LPAR2: variants seen among roughly 807,000 people sequenced by gnomAD.
The protein encoded by LPAR2 is G protein-coupled receptor.
A neutral mutation model predicts 15.6 loss-of-function variants in LPAR2; 10 were observed. The ratio of observed to expected loss-of-function variants is 0.64; its 90% confidence interval spans 0.39 to 1.09. LPAR2 has a LOEUF of 1.09. LPAR2 is among the 50% of genes least tolerant of loss of function. LPAR2 has a pLI of 0.01. For missense variants in LPAR2, 413 were observed against 484.6 expected (o/e 0.85, Z 1.39); for synonymous variants, 204 against 207.4 (o/e 0.98, Z 0.14).
Position 19,626,596 on chromosome 19 carries a change from G to A in LPAR2, c.689C>T (p.Pro230Leu). ...GCTGAGCGTGGTCTCTCGGTAGCGG[G>A]GGTGGCAGCTGACATGCTCTGCCAT... Residue 230 changes from proline (P) to leucine (L), a missense_variant, in exon 2 of 3, where the codon CCC (proline) becomes CTC (leucine). Pro to Leu is a moderately conservative substitution (Grantham distance 98). Transcript: ENST00000407877. This position sits in a 1 kb window ranked among gnomAD's most constrained non-coding sequence, Gnocchi z 5.3. 2 of 1,613,152 alleles carry A rather than the reference G, an allele frequency of 1.2e-6. No homozygotes were observed. Among genetic ancestry groups the A allele is most frequent in the African/African-American group, 1.3e-5 (1 of 75,060 alleles).
In LPAR2 at chr19:19,626,479, C is replaced by T. The variant is rs999161131; in HGVS notation, c.742+64G>A. 11 of 1,522,960 alleles carry T rather than the reference C, an allele frequency of 7.2e-6. No individual in the cohort carries two copies. The highest frequency in any genetic ancestry group is 1.3e-5 in the South Asian group (1 of 76,838). 94.3% of individuals were successfully genotyped at this position (1,522,960 alleles called of 1,614,324 possible). ...AGGTAGCTTGTTTTGTTCATTGCTT[C>T]GCAGTGTCTTGTGGGAGATAGGGGG... On this transcript the variant is annotated intron_variant, in intron 2 of 2. Transcript: ENST00000407877. The surrounding 1 kb of genome is among the most constrained non-coding windows in gnomAD (Gnocchi z 5.3).
In LPAR2 at chr19:19,627,013, T is replaced by C. The variant is rs1599394220; in HGVS notation, c.272A>G (p.His91Arg). 1.9e-6 allele frequency: 3 copies of C among 1,613,494 alleles called. No homozygotes were observed. Among genetic ancestry groups the C allele is most frequent in the Non-Finnish European group, 8.5e-7 (1 of 1,179,972 alleles). ...AAGTCGGGCTGTGCGGGGACCAGTG[T>C]GGAACATGAGGAAGAGGTAGGCCAC... Residue 91 changes from histidine to arginine, a missense_variant, in exon 2 of 3, where the codon CAC becomes CGC. Coordinates refer to ENST00000407877, the MANE Select transcript of LPAR2 (RefSeq NM_004720.7). This position sits in a 1 kb window ranked among gnomAD's most constrained non-coding sequence, Gnocchi z 4.7.
chr19:19,624,209 G>A lies in LPAR2; in HGVS notation c.*47C>T. The stretch of plus-strand genomic sequence containing the variant: ...GCCAGGAGCACCCACAAGTCATCAG[G>A]GGCTGTGGATTTGTTGCTTGCCGCG... On this transcript the variant is annotated 3_prime_UTR_variant, in exon 3 of 3. Transcript: ENST00000407877. 6.5e-7 allele frequency: 1 copy of A among 1,549,306 alleles called. No individual in the cohort carries two copies. Among genetic ancestry groups the A allele is most frequent in the Non-Finnish European group, 8.8e-7 (1 of 1,140,394 alleles).
In LPAR2 at chr19:19,627,204, G is replaced by C. The variant is rs749899826; in HGVS notation, c.81C>G (p.His27Gln). 7 of 1,612,502 alleles carry C rather than the reference G, an allele frequency of 4.3e-6. No individual in the cohort carries two copies. The highest frequency in any genetic ancestry group is 5.1e-6 in the Non-Finnish European group (6 of 1,180,040). The change falls in exon 2 of 3, where the codon CAC becomes CAG. Residue 27 changes from histidine to glutamine, a missense_variant. Physicochemically the swap from His to Gln is conservative, Grantham distance 24. Coordinates refer to ENST00000407877, the MANE Select transcript of LPAR2 (RefSeq NM_004720.7). The surrounding 1 kb of genome is among the most constrained non-coding windows in gnomAD (Gnocchi z 4.7). ...CCACGACCACATCCTTGGGCCGCCA[G>C]TGGGAGCTGAGCTCTTTGCCACTGT... is the stretch of plus-strand genomic sequence containing the variant.
chr19:19,625,874 C>CTT lies in LPAR2; in HGVS notation c.742+667_742+668dup, dbSNP rs545532352. ...ACAGGCTTAGCACTGCTAAAAACTC[C>CTT]TTTTTTTTTTTTTTTTCTGAGACAG... is the stretch of plus-strand genomic sequence containing the variant. On this transcript the variant is annotated intron_variant, in intron 2 of 2. Transcript: ENST00000407877. Among the ~76,000 whole-genome samples the CTT allele has an allele frequency of 1.8e-3, 231 of 129,840 alleles. 4 individuals carry two copies. The highest frequency in any genetic ancestry group is 4.1e-3 in the Middle Eastern group (1 of 244). The allele number at this position is 129,840 out of a possible 152,430, so 85.2% of individuals were successfully genotyped here. A position where few individuals can be genotyped will look rare whatever the true frequency, so the allele number is the denominator to read the frequency against.
In LPAR2 at chr19:19,627,913, G is replaced by A. The variant is rs578099374; in HGVS notation, c.-1+179C>T. ...GGACGGAGGACACTGGCGGTCTCCGGGACAAAGACAGCGGTTGGGGAAGGG... is the reference window on the plus strand; with the variant it reads ...GGACGGAGGACACTGGCGGTCTCCGAGACAAAGACAGCGGTTGGGGAAGGG... On this transcript the variant is annotated intron_variant, in intron 1 of 2. Transcript: ENST00000407877. The surrounding 1 kb of genome is among the most constrained non-coding windows in gnomAD (Gnocchi z 4.7). 21 of 153,904 alleles carry A rather than the reference G, an allele frequency of 1.4e-4. 1 individual carries two copies. Among genetic ancestry groups the A allele is most frequent in the Non-Finnish European group, 1.6e-4 (11 of 69,110 alleles). 9.5% of individuals were successfully genotyped at this position (153,904 alleles called of 1,614,324 possible).
rs780596999 is a variant in LPAR2, at chr19:19,627,210, G to A, written c.75C>T (p.Ser25=). 7 of 1,612,150 alleles carry A rather than the reference G, an allele frequency of 4.3e-6. No individual in the cohort carries two copies. In the East Asian group the frequency reaches 1.3e-4, roughly 31 times the overall value. ...CCACATCCTTGGGCCGCCAGTGGGA[G>A]CTGAGCTCTTTGCCACTGTTGTTAT... Residue 25 remains serine, a synonymous_variant, in exon 2 of 3, where the codon AGC becomes AGT. Coordinates refer to ENST00000407877, the MANE Select transcript of LPAR2 (RefSeq NM_004720.7). The surrounding 1 kb of genome is among the most constrained non-coding windows in gnomAD (Gnocchi z 4.7).
At position 19,627,568 on chromosome 19, in the gene LPAR2, A is replaced by G; in HGVS notation, c.1-284T>C. ...ACCAGAAGTGAAACAAAACCCATCT[A>G]TGGTCGAATCCCAGCCCACCTGCCG... On this transcript the variant is annotated intron_variant, in intron 1 of 2. Coordinates refer to ENST00000407877, the MANE Select transcript of LPAR2 (RefSeq NM_004720.7). The surrounding 1 kb of genome is among the most constrained non-coding windows in gnomAD (Gnocchi z 4.7). 1 of 403,930 alleles carries G rather than the reference A, an allele frequency of 2.5e-6. No homozygotes were observed. Among genetic ancestry groups the G allele is most frequent in the Non-Finnish European group, 4.6e-6 (1 of 219,244 alleles). The allele number at this position is 403,930 out of a possible 1,614,324, so 25.0% of individuals were successfully genotyped here.
Position 19,624,567 on chromosome 19 carries a change from C to A in LPAR2, c.745G>T (p.Ala249Ser), listed in dbSNP as rs1055980807. ...CCTGGTGTCCAGCAGACCACGAACG[C>A]CCCTGTGGGACAGAGGCGGAAGTGA... The change falls in exon 3 of 3, where the codon GCG (alanine) becomes TCG (serine). Residue 249 changes from alanine (A) to serine (S), a missense_variant and splice_region_variant. Transcript: ENST00000407877. 3 of 1,592,718 alleles carry A rather than the reference C, an allele frequency of 1.9e-6. No homozygotes were observed. Among genetic ancestry groups the A allele is most frequent in the Non-Finnish European group, 2.6e-6 (3 of 1,167,036 alleles).
chr19:19,623,815 A>T lies in LPAR2; in HGVS notation c.*441T>A, dbSNP rs558849197. On this transcript the variant is annotated 3_prime_UTR_variant, in exon 3 of 3. Coordinates refer to ENST00000407877, the MANE Select transcript of LPAR2 (RefSeq NM_004720.7). The stretch of plus-strand genomic sequence containing the variant: ...TGCACCCCTCAGTCTCTGCTGCTAA[A>T]GAATCAGACTCAGGTAGATGGGGTG... 6.2e-4 allele frequency: 105 copies of T among 168,664 alleles called. 3 individuals carry two copies. In the South Asian group the frequency reaches 0.017, roughly 28 times the overall value. 10.4% of individuals were successfully genotyped at this position (168,664 alleles called of 1,614,324 possible). A position where few individuals can be genotyped will look rare whatever the true frequency, so the allele number is the denominator to read the frequency against.
rs769542127 is a variant in LPAR2 at position 19,626,643 on chromosome 19, G to A, written c.642C>T (p.Tyr214=). Reference sequence around the variant, plus strand: ...CCATGCGCTGCACTCGCCGCCGCACGTAGAAGAAAATGCGGGTGTACACAG... The same window carrying A: ...CCATGCGCTGCACTCGCCGCCGCACATAGAAGAAAATGCGGGTGTACACAG... The change falls in exon 2 of 3, where the codon TAC becomes TAT. Residue 214 remains tyrosine (Y), a synonymous_variant. Transcript: ENST00000407877. The surrounding 1 kb of genome is among the most constrained non-coding windows in gnomAD (Gnocchi z 5.3). The A allele has an allele frequency of 2.0e-5, 33 of 1,613,318 alleles. No homozygotes were observed. Among genetic ancestry groups the A allele is most frequent in the African/African-American group, 8.0e-5 (6 of 74,946 alleles).
Position 19,626,577 on chromosome 19 carries a change from C to T in LPAR2, c.708G>A (p.Thr236=), listed in dbSNP as rs746876623. ...TGACAACAGTCTTGACCAGGCTGAGCGTGGTCTCTCGGTAGCGGGGGTGGC... is the reference window on the plus strand; with the variant it reads ...TGACAACAGTCTTGACCAGGCTGAGTGTGGTCTCTCGGTAGCGGGGGTGGC... Residue 236 remains threonine (T), a synonymous_variant, in exon 2 of 3, where the codon ACG becomes ACA. Coordinates refer to ENST00000407877, the MANE Select transcript of LPAR2 (RefSeq NM_004720.7). This position sits in a 1 kb window ranked among gnomAD's most constrained non-coding sequence, Gnocchi z 5.3. 3.1e-6 allele frequency: 5 copies of T among 1,611,766 alleles called. No homozygotes were observed. Among genetic ancestry groups the T allele is most frequent in the Non-Finnish European group, 4.2e-6 (5 of 1,179,274 alleles).
At chr19:19,624,812 T>C (rs1301584716) in intron 2 of LPAR2, among the ~76,000 whole-genome samples, 1 of 151,332 alleles carries the variant, frequency 6.6e-6, no homozygotes, top group Non-Finnish European at 1.5e-5. Context: ...TGTGTGTGTG[T>C]GTGTGTGTGT....
rs532920244 is a variant in LPAR2, at chr19:19,626,561, T to C, written c.724A>G (p.Thr242Ala). The C allele has an allele frequency of 6.2e-7, 1 of 1,608,058 alleles. No individual in the cohort carries two copies. Among genetic ancestry groups the C allele is most frequent in the East Asian group, 2.2e-5 (1 of 44,852 alleles). The stretch of plus-strand genomic sequence containing the variant: ...CACTTACCCAGGATGATGACAACAG[T>C]CTTGACCAGGCTGAGCGTGGTCTCT... The change falls in exon 2 of 3, where the codon ACT becomes GCT. Residue 242 changes from threonine (T) to alanine (A), a missense_variant. Physicochemically the swap from Thr to Ala is moderately conservative, Grantham distance 58. Coordinates refer to ENST00000407877, the MANE Select transcript of LPAR2 (RefSeq NM_004720.7). The surrounding 1 kb of genome is among the most constrained non-coding windows in gnomAD (Gnocchi z 5.3).
intron 2 of LPAR2, 84 bp from the exon 3 acceptor site, chr19:19,624,653 C>A (rs2144813985): frequency 8.7e-7 from 1 of 1,145,226 alleles, no homozygotes. Flanking sequence ...GGAGTGGTCT[C>A]CAGAGCTCGA....
rs948217880 is a variant in LPAR2, at chr19:19,628,074, C to G, written c.-1+18G>C. On this transcript the variant is annotated intron_variant, in intron 1 of 2. Transcript: ENST00000407877. Reference sequence around the variant, plus strand: ...CCCAGGCCCGCACCCGCCCGCCTCCCGTCCGTGCAGGCCTCACCTGGGCCT... The same window carrying G: ...CCCAGGCCCGCACCCGCCCGCCTCCGGTCCGTGCAGGCCTCACCTGGGCCT... The G allele has an allele frequency of 7.2e-5, 11 of 152,480 alleles. No homozygotes were observed. The highest frequency in any genetic ancestry group is 1.3e-4 in the Non-Finnish European group (9 of 68,280). 9.4% of individuals were successfully genotyped at this position (152,480 alleles called of 1,614,324 possible).
rs1301816596 is a variant in LPAR2 at position 19,626,764 on chromosome 19, G to T, written c.521C>A (p.Ala174Asp). The change falls in exon 2 of 3, where the codon GCC (alanine) becomes GAC (aspartate). Residue 174 changes from alanine to aspartate, a missense_variant. Physicochemically the swap from Ala to Asp is moderately radical, Grantham distance 126. Coordinates refer to ENST00000407877, the MANE Select transcript of LPAR2 (RefSeq NM_004720.7). The surrounding 1 kb of genome is among the most constrained non-coding windows in gnomAD (Gnocchi z 5.3). ...TGCCATGCGTGAGCAGCGGTCCAGG[G>T]CACAGAGGCAGTGCCAGGAGTGGGC... The T allele has an allele frequency of 6.2e-7, 1 of 1,610,822 alleles. No individual in the cohort carries two copies. The highest frequency in any genetic ancestry group is 1.3e-5 in the African/African-American group (1 of 74,844).
chr19:19,625,182 TCACACCTCACTGAAGCGGCAC>T (rs2061733882), intron 2 of LPAR2, among the ~76,000 whole-genome samples: 1 of 151,908 alleles, frequency 6.6e-6, no homozygotes, highest in Non-Finnish European at 1.5e-5. Flanking sequence ...AGTGGCACGA[TCACACCTCACTGAAGCGGCAC>T]GATCACACCT....
In LPAR2 at chr19:19,626,893, C is replaced by T. The variant is rs770061297; in HGVS notation, c.392G>A (p.Arg131His). The T allele has an allele frequency of 3.1e-6, 5 of 1,597,688 alleles. No homozygotes were observed. The highest frequency in any genetic ancestry group is 2.3e-5 in the East Asian group (1 of 43,640). The change falls in exon 2 of 3, where the codon CGC (arginine) becomes CAC (histidine). Residue 131 changes from arginine (R) to histidine (H), a missense_variant. Arg to His is a conservative substitution (Grantham distance 29). Transcript: ENST00000407877. The surrounding 1 kb of genome is among the most constrained non-coding windows in gnomAD (Gnocchi z 5.3). ...GTGCAGCTGCACGGCCATCACACTG[C>T]GGTGCCGCTCCACGGCGATGGCCAG...
Sources: gnomAD v4.1 joint callset for allele counts (sites outside exome capture counted in the v4.1 genomes callset) on GRCh38, gnomAD v4.1.1 for gene constraint, Gnocchi (gnomAD v3.1) non-coding constraint, MANE v1.5 for transcripts, NCBI Gene and HGNC (gene_info 2026-07-23, HGNC 2026-07-21) for gene names.